MED14: variants seen among roughly 807,000 people sequenced by gnomAD.
MED14 encodes mediator of RNA polymerase II transcription subunit 14.
Under a neutral mutation model 109.0 loss-of-function variants are expected in MED14, and 8 were observed. The observed-to-expected ratio is 0.07, with a 90% CI of 0.04 to 0.13. The LOEUF is 0.13. Among genes scored for constraint, MED14 ranks in the 10% least tolerant of loss-of-function variants. MED14 has a pLI of 1.00. For missense variants in MED14, 711 were observed against 1,142.4 expected (o/e 0.62, Z 5.44); for synonymous variants, 399 against 408.7 (o/e 0.98, Z 0.29).
At chrX:40,720,372 T>C (rs1408740431) in intron 3 of MED14, among the ~76,000 whole-genome samples, 1 of 112,038 alleles carries the variant, frequency 8.9e-6, no homozygotes, top group Non-Finnish European at 1.9e-5. Flanking sequence ...GAATAGTGAC[T>C]GGGGGACTTT....
chrX:40,675,716 T>C (rs1189331973), intron 21 of MED14, among the ~76,000 whole-genome samples: 2 of 112,298 alleles, frequency 1.8e-5, no homozygotes, highest in African/African-American at 6.5e-5. Flanking sequence ...CTTCAATGAC[T>C]TGGAAAATTT....
At chrX:40,676,768 G>A (rs975430218) in intron 21 of MED14, among the ~76,000 whole-genome samples, 12 of 111,888 alleles carry the variant, frequency 1.1e-4, no homozygotes, top group South Asian at 3.7e-4. Flanking sequence ...CTGCTCTCAC[G>A]CTTCTCCCCT....
At chrX:40,658,793 G>A (rs1003012511) in intron 28 of MED14, among the ~76,000 whole-genome samples, 2 of 110,267 alleles carry the variant, frequency 1.8e-5, no homozygotes, top group African/African-American at 6.6e-5. Context: ...AGCCCCAGAG[G>A]TCGAGGGTGC....
At chrX:40,696,867 G>A (rs1930742841) in intron 13 of MED14, among the ~76,000 whole-genome samples, 157 bp downstream of exon 13, 2 of 111,758 alleles carry the variant, frequency 1.8e-5, no homozygotes, top group Admixed American at 9.5e-5. Flanking sequence ...CAACTGAGAC[G>A]TGACATTCCT....
At chrX:40,727,581 T>C (rs1297183442) in intron 2 of MED14, among the ~76,000 whole-genome samples, 2 of 111,937 alleles carry the variant, frequency 1.8e-5, no homozygotes, top group South Asian at 3.7e-4. Flanking sequence ...CCAAAAGCTT[T>C]ACTAATGTCA....
Position 40,732,899 on chromosome X carries a change from GAGA to G in MED14, c.215+2296_215+2298del, listed in dbSNP as rs1932127016. Among the ~76,000 whole-genome samples, 3 of 109,819 alleles carry G rather than the reference GAGA, an allele frequency of 2.7e-5. No homozygotes were observed. The South Asian group carries it at 1.2e-3, about 43-fold the overall frequency. ...CAAACCAAAAGTGGTTAAGAGGTTG[GAGA>G]AAAAAAAAAGGTTAAGGAACAGAGA... On this transcript the variant is annotated intron_variant, in intron 1 of 30. Transcript: ENST00000324817.
At chrX:40,653,913 A>G (rs1178340585) in intron 30 of MED14, 1 of 118,001 alleles carries the variant, frequency 8.5e-6, no homozygotes, top group African/African-American at 3.2e-5. Flanking sequence ...CATTTAGAAG[A>G]TACAGAACTT....
chrX:40,671,290 T>C (rs1929722005), intron 23 of MED14, among the ~76,000 whole-genome samples: 2 of 111,507 alleles, frequency 1.8e-5, no homozygotes, highest in Admixed American at 1.9e-4. Flanking sequence ...AATCATTCAG[T>C]TAAAAGCAAA....
At chrX:40,676,702 C>T (rs182189982) in intron 21 of MED14, among the ~76,000 whole-genome samples, 1 of 111,836 alleles carries the variant, frequency 8.9e-6, no homozygotes, top group African/African-American at 3.3e-5. Flanking sequence ...TCCCCCCATG[C>T]TGTTGTGATA....
At chrX:40,684,400 C>T (rs1215516591) in intron 16 of MED14, among the ~76,000 whole-genome samples, 2 of 112,710 alleles carry the variant, frequency 1.8e-5, no homozygotes, top group Non-Finnish European at 3.8e-5. Context: ...AAATAGATTG[C>T]ATGTGCTAAT....
chrX:40,709,650 T>C lies in MED14; in HGVS notation c.1174-191A>G, dbSNP rs761276423. On this transcript the variant is annotated intron_variant, in intron 9 of 30. Coordinates refer to ENST00000324817, the MANE Select transcript of MED14 (RefSeq NM_004229.4). ...TATTGAGTTAAAAATTAACTTACAA[T>C]TGATAGCTTAAAAACTATAGTTAAC... Among the ~76,000 whole-genome samples, 38 of 112,460 alleles carry C rather than the reference T, an allele frequency of 3.4e-4. No homozygotes were observed. In the South Asian group the frequency reaches 0.014, roughly 40 times the overall value.
At chrX:40,726,358 G>A (rs1263279145) in intron 3 of MED14, 3 of 106,263 alleles carry the variant, frequency 2.8e-5, no homozygotes, top group Admixed American at 1.0e-4. Context: ...TTATCATTTT[G>A]TCATCTGTAA....
chrX:40,713,149 A>G (rs1460037634), intron 5 of MED14, 107 bp from the exon 6 acceptor site: 1 of 778,156 alleles, frequency 1.3e-6, no homozygotes. Context: ...TTTTAAATAG[A>G]TTGAAGGTTC....
intron 11 of MED14, among the ~76,000 whole-genome samples, chrX:40,702,446 A>C (rs1165575137): frequency 9.8e-6 from 1 of 101,980 alleles, no homozygotes; most frequent in Non-Finnish European, 1.9e-5. Flanking sequence ...TCCCAGGTTC[A>C]CGCCATTCTC....
At chrX:40,735,546 G>T (rs1288589145), upstream of MED14, 8 of 648,991 alleles carry the variant, frequency 1.2e-5, no homozygotes, top group Non-Finnish European at 1.9e-5. Flanking sequence ...AGAACAGGAA[G>T]CCGTGCGCCG....
intron 3 of MED14, among the ~76,000 whole-genome samples, chrX:40,721,288 C>A (rs1931708765): frequency 9.0e-6 from 1 of 111,168 alleles, no homozygotes; most frequent in Non-Finnish European, 1.9e-5. Flanking sequence ...GAGTCCCAGG[C>A]CTGGCAGTAT....
chrX:40,708,549 C>T (rs1931229430), intron 10 of MED14, among the ~76,000 whole-genome samples: 1 of 112,158 alleles, frequency 8.9e-6, no homozygotes, highest in Admixed American at 9.5e-5. Context: ...ACTTATAAGG[C>T]ACTTCACTTA....
intron 23 of MED14, among the ~76,000 whole-genome samples, chrX:40,669,087 T>C (rs1929628673): frequency 8.9e-6 from 1 of 112,064 alleles, no homozygotes; most frequent in African/African-American, 3.2e-5. Flanking sequence ...GTGACCTAAC[T>C]TCCCCATGTC....
upstream of MED14, chrX:40,735,831 G>C (rs982750635): frequency 9.4e-6 from 3 of 319,850 alleles, no homozygotes; most frequent in Non-Finnish European, 1.8e-5. Context: ...CCGCAGCGCT[G>C]GGGGGCGCGT....
Sources: gnomAD v4.1 joint callset for allele counts (sites outside exome capture counted in the v4.1 genomes callset) on GRCh38, gnomAD v4.1.1 for gene constraint, MANE v1.5 for transcripts, NCBI Gene and HGNC (gene_info 2026-07-23, HGNC 2026-07-21) for gene names.